The following ENOX1 variants were observed in gnomAD, a reference collection of about 807,000 sequenced individuals.
ENOX1 encodes the protein ecto-NOX disulfide-thiol exchanger 1.
Under a neutral mutation model 82.5 loss-of-function variants are expected in ENOX1, and 42 were observed. That is an observed-to-expected ratio of 0.51 (90% CI 0.40 to 0.66). The LOEUF is 0.66. Among genes scored for constraint, ENOX1 ranks in the 30% least tolerant of loss-of-function variants. The pLI, the probability that ENOX1 is intolerant of heterozygous loss-of-function variation, is 0.00. For synonymous variants in ENOX1, 271 were observed against 282.2 expected (o/e 0.96, Z 0.40); for missense variants, 608 against 811.6 (o/e 0.75, Z 3.05).
intron 1 of ENOX1, among the ~76,000 whole-genome samples, chr13:43,714,535 T>A (rs997105642): frequency 2.6e-5 from 4 of 152,154 alleles, no homozygotes; most frequent in African/African-American, 7.2e-5. Flanking sequence ...CCCGTTATTA[T>A]TGTGTGGGAG....
At position 43,392,530 on chromosome 13, in the gene ENOX1, AT is replaced by A. The variant is rs534301815; in HGVS notation, c.208+19385del. ...ACTGTCTCTACTAAAAATACAAAAA[AT>A]ATAAATAAAAAAAATTAGCCAGGCG... is the stretch of plus-strand genomic sequence containing the variant. On this transcript the variant is annotated intron_variant, in intron 5 of 16. Coordinates refer to ENST00000690772, the MANE Select transcript of ENOX1 (RefSeq NM_001347969.2). Among the ~76,000 whole-genome samples the A allele has an allele frequency of 1.9e-3, 287 of 152,272 alleles. 2 individuals are homozygous for A. The highest frequency in any genetic ancestry group is 0.014 in the Middle Eastern group (4 of 294).
rs910483628 is a variant in ENOX1 at position 43,468,568 on chromosome 13, T to C, written c.-75+15441A>G. Among the ~76,000 whole-genome samples the C allele has an allele frequency of 1.1e-4, 17 of 150,378 alleles. No individual in the cohort carries two copies. In the South Asian group the frequency reaches 2.5e-3, roughly 22 times the overall value. On this transcript the variant is annotated intron_variant, in intron 3 of 16. Transcript: ENST00000690772. ...TCTTAGGGAGGCAGAATCAGGAGGA[T>C]AGCTTGAGCCCAGGAGTTCAAGATC...
intron 8 of ENOX1, among the ~76,000 whole-genome samples, chr13:43,353,999 T>C (rs7987689): frequency 0.62 from 94,491 of 152,168 alleles, 29,546 homozygotes; most frequent in South Asian, 0.74. Context: ...ACAACATAAC[T>C]AGATGATACG....
At chr13:43,311,170 T>C (rs1483176743) in intron 11 of ENOX1, among the ~76,000 whole-genome samples, 1 of 151,870 alleles carries the variant, frequency 6.6e-6, no homozygotes, top group Non-Finnish European at 1.5e-5. Context: ...TATCTACCCC[T>C]GCCAACCTCA....
chr13:43,673,118 T>A (rs889280962), intron 1 of ENOX1, among the ~76,000 whole-genome samples: 21 of 152,026 alleles, frequency 1.4e-4, no homozygotes, highest in African/African-American at 4.1e-4. Flanking sequence ...CCTATTTTTT[T>A]AAAAAAAGCA....
chr13:43,636,438 C>A (rs1457304962), intron 2 of ENOX1, among the ~76,000 whole-genome samples: 1 of 152,148 alleles, frequency 6.6e-6, no homozygotes, highest in Non-Finnish European at 1.5e-5. Flanking sequence ...TGTCTTTGAG[C>A]ATTATCATTA....
At chr13:43,399,138 T>C (rs548825042) in intron 5 of ENOX1, among the ~76,000 whole-genome samples, 38 of 152,300 alleles carry the variant, frequency 2.5e-4, no homozygotes, top group African/African-American at 8.9e-4. Flanking sequence ...CTTACTTTAC[T>C]GTGAGAATAT....
In ENOX1 at chr13:43,344,576, T is replaced by C; in HGVS notation, c.998A>G (p.Glu333Gly). The C allele has an allele frequency of 1.2e-6, 2 of 1,614,240 alleles. No individual in the cohort carries two copies. Among genetic ancestry groups the C allele is most frequent in the Non-Finnish European group, 8.5e-7 (1 of 1,180,040 alleles). The change falls in exon 9 of 17, where the codon GAG (glutamate) becomes GGG (glycine). Residue 333 changes from glutamate to glycine, a missense_variant. By Grantham distance (98) the Glu-to-Gly change is moderately conservative (BLOSUM62 -2). Transcript: ENST00000690772. ...CCCAGTTAAGGCATTTTTAAAATTC[T>C]CCTTGGCTTCCTCCATCTCTTGCTC... ...THEQEMEEAK[E>G]NFKNALTGIL... is the part of the protein sequence containing the mutation.
At chr13:43,297,373 T>A (rs2046337805) in intron 12 of ENOX1, among the ~76,000 whole-genome samples, 1 of 152,206 alleles carries the variant, frequency 6.6e-6, no homozygotes, top group South Asian at 2.1e-4. Context: ...CTCTATATAT[T>A]TTAACTTTCC....
chr13:43,351,546 A>G lies in ENOX1; in HGVS notation c.823+4373T>C, dbSNP rs969021861. ...ACCCACTAACTCGTCATCTAGCCTT[A>G]GGTATATCTCCCAATGCTATCCCTC... is the stretch of plus-strand genomic sequence containing the variant. On this transcript the variant is annotated intron_variant, in intron 8 of 16. Coordinates refer to ENST00000690772, the MANE Select transcript of ENOX1 (RefSeq NM_001347969.2). Among the ~76,000 whole-genome samples the G allele has an allele frequency of 1.8e-3, 255 of 145,122 alleles. 1 individual carries two copies. The highest frequency in any genetic ancestry group is 6.1e-3 in the African/African-American group (239 of 39,468).
chr13:43,385,442 T>C (rs2052348712), intron 5 of ENOX1, among the ~76,000 whole-genome samples: 1 of 151,620 alleles, frequency 6.6e-6, no homozygotes, highest in Non-Finnish European at 1.5e-5. Flanking sequence ...AGATAATAAG[T>C]AAAAAACAAA....
At chr13:43,226,411 C>A (rs1331955373) in intron 15 of ENOX1, among the ~76,000 whole-genome samples, 1 of 152,152 alleles carries the variant, frequency 6.6e-6, no homozygotes, top group Non-Finnish European at 1.5e-5. Context: ...AGACGTTTAT[C>A]ATTTCTTTGT....
chr13:43,723,638 T>C (rs1226783339), intron 1 of ENOX1, among the ~76,000 whole-genome samples: 3 of 152,012 alleles, frequency 2.0e-5, no homozygotes, highest in Admixed American at 6.6e-5. Context: ...AATGTGAGAG[T>C]CACTGAAGAT....
chr13:43,631,347 T>C (rs889202169), intron 2 of ENOX1, among the ~76,000 whole-genome samples: 10 of 152,180 alleles, frequency 6.6e-5, no homozygotes, highest in Admixed American at 2.0e-4. Context: ...TGAAAAGAGA[T>C]TGCAGATTCT....
intron 5 of ENOX1, among the ~76,000 whole-genome samples, chr13:43,399,185 T>A (rs1183302081): frequency 5.3e-5 from 8 of 152,212 alleles, no homozygotes; most frequent in Non-Finnish European, 7.3e-5. Context: ...TATATGTTAA[T>A]CAACTGTTTA....
intron 3 of ENOX1, among the ~76,000 whole-genome samples, chr13:43,421,601 C>T (rs17635053): frequency 0.013 from 1,942 of 152,252 alleles, 21 homozygotes; most frequent in Middle Eastern, 0.02. Flanking sequence ...TACTCTTTTT[C>T]CAGTTTTCTG....
At chr13:43,615,864 T>C (rs2082386135) in intron 2 of ENOX1, among the ~76,000 whole-genome samples, 3 of 151,802 alleles carry the variant, frequency 2.0e-5, no homozygotes, top group African/African-American at 4.8e-5. Context: ...GTTCCTGTGT[T>C]AGTTTGCTGA....
intron 2 of ENOX1, among the ~76,000 whole-genome samples, chr13:43,641,260 A>C (rs967583038): frequency 1.3e-5 from 2 of 152,114 alleles, no homozygotes; most frequent in Non-Finnish European, 2.9e-5. Flanking sequence ...GGACCTCAAA[A>C]TCCTGGGTTC....
chr13:43,251,258 T>G (rs1463012246), intron 14 of ENOX1, among the ~76,000 whole-genome samples: 2 of 152,192 alleles, frequency 1.3e-5, no homozygotes, highest in African/African-American at 4.8e-5. Context: ...TATACACATC[T>G]TAAAGTTAAC....
Sources: allele counts gnomAD v4.1 joint callset (sites outside exome capture counted in the v4.1 genomes callset), GRCh38; gene constraint gnomAD v4.1.1; transcripts MANE v1.5; gene names NCBI Gene and HGNC (gene_info 2026-07-23, HGNC 2026-07-21).